Variants in PRPSAP1 observed in about 807,000 individuals in gnomAD.
The protein encoded by PRPSAP1 is phosphoribosyl pyrophosphate synthetase associated protein 1.
A neutral mutation model predicts 39.4 loss-of-function variants in PRPSAP1; 31 were observed. The observed-to-expected ratio is 0.79, with a 90% CI of 0.59 to 1.06. The LOEUF (loss-of-function observed/expected upper bound fraction) is 1.06, where lower values mean the gene tolerates loss of function less well. PRPSAP1 is among the 50% of genes least tolerant of loss of function. The pLI is 0.00. For synonymous variants in PRPSAP1, 212 were observed against 192.6 expected (o/e 1.10, Z -0.83); for missense variants, 430 against 511.6 (o/e 0.84, Z 1.54).
At chr17:76,329,945 T>C in intron 6 of PRPSAP1, 98 bp downstream of exon 6, 1 of 1,199,860 alleles carries the variant, frequency 8.3e-7, no homozygotes, top group Middle Eastern at 1.9e-4. Flanking sequence ...CCAGTGGGCT[T>C]TCAAAGGCCA....
intron 2 of PRPSAP1, 45 bp from the exon 3 acceptor site, chr17:76,344,782 T>G (rs957047076): frequency 6.9e-7 from 1 of 1,439,740 alleles, no homozygotes. Context: ...AGCTCCTATG[T>G]TAAAAAGGAG....
intron 3 of PRPSAP1, 80 bp from the exon 4 acceptor site, chr17:76,332,515 A>G: frequency 1.3e-6 from 2 of 1,510,242 alleles, no homozygotes; most frequent in South Asian, 1.2e-5. Flanking sequence ...TCAACTTAAC[A>G]TGGGCTGCCC....
At chr17:76,329,215 C>T (rs539842665) in intron 6 of PRPSAP1, among the ~76,000 whole-genome samples, 1 of 151,990 alleles carries the variant, frequency 6.6e-6, no homozygotes, top group Non-Finnish European at 1.5e-5. Flanking sequence ...GGACCACAGG[C>T]ATGTGTTGCC....
At chr17:76,329,145 C>T (rs889892364) in intron 6 of PRPSAP1, among the ~76,000 whole-genome samples, 2 of 151,592 alleles carry the variant, frequency 1.3e-5, no homozygotes, top group Admixed American at 1.3e-4. Flanking sequence ...ACATGGCTCA[C>T]TGCAGCCTCA....
chr17:76,328,613 A>C (rs2071279180), intron 7 of PRPSAP1, 104 bp downstream of exon 7: 1 of 1,400,976 alleles, frequency 7.1e-7, no homozygotes, highest in South Asian at 1.3e-5. Context: ...CATCTCAAAA[A>C]CAAAACAAAA....
At chr17:76,335,233 G>T (rs1233943452) in intron 3 of PRPSAP1, among the ~76,000 whole-genome samples, 1 of 152,048 alleles carries the variant, frequency 6.6e-6, no homozygotes, top group Non-Finnish European at 1.5e-5. Flanking sequence ...ACAGGCATGA[G>T]CCACCACACC....
intron 9 of PRPSAP1, 139 bp downstream of exon 9, chr17:76,312,731 T>C (rs1443600081): frequency 2.7e-6 from 3 of 1,103,828 alleles, no homozygotes; most frequent in Non-Finnish European, 3.8e-6. Context: ...TAAACATGTA[T>C]CTGTCCCAAC....
At chr17:76,315,339 G>A (rs1323967456) in intron 7 of PRPSAP1, among the ~76,000 whole-genome samples, 1 of 152,188 alleles carries the variant, frequency 6.6e-6, no homozygotes, top group Non-Finnish European at 1.5e-5. Flanking sequence ...AGTAGTGGGG[G>A]AAGCGAAAGA....
chr17:76,345,997 AC>A, intron 2 of PRPSAP1: 1 of 472,094 alleles, frequency 2.1e-6, no homozygotes, highest in South Asian at 1.5e-5. Flanking sequence ...GAGAGAAGGT[AC>A]CCAAGGGAAA....
intron 1 of PRPSAP1, among the ~76,000 whole-genome samples, chr17:76,351,572 A>G (rs1214605389): frequency 6.6e-6 from 1 of 152,168 alleles, no homozygotes; most frequent in African/African-American, 2.4e-5. Context: ...CTGTGATCCC[A>G]GCTACTTTCG....
At chr17:76,336,732 C>CA (rs57399038) in intron 3 of PRPSAP1, among the ~76,000 whole-genome samples, 1,049 of 63,230 alleles carry the variant, frequency 0.017, 19 homozygotes, top group African/African-American at 0.055. Flanking sequence ...AACTCCATCT[C>CA]AAAAAAAAAA....
At chr17:76,329,323 C>T (rs150548438) in intron 6 of PRPSAP1, among the ~76,000 whole-genome samples, 16 of 152,268 alleles carry the variant, frequency 1.1e-4, no homozygotes, top group African/African-American at 3.8e-4. Flanking sequence ...TTTGGCCTCC[C>T]AAAGTGCTGG....
At chr17:76,318,026 C>A (rs893081482) in intron 7 of PRPSAP1, among the ~76,000 whole-genome samples, 27 of 152,154 alleles carry the variant, frequency 1.8e-4, no homozygotes, top group Admixed American at 1.8e-3. Flanking sequence ...TAAGCAGCAT[C>A]CTGGCCTTTA....
At chr17:76,338,539 C>T in intron 3 of PRPSAP1, among the ~76,000 whole-genome samples, 1 of 151,844 alleles carries the variant, frequency 6.6e-6, no homozygotes, top group East Asian at 1.9e-4. Flanking sequence ...CCCATCTCTA[C>T]TAAAAATACA....
intron 7 of PRPSAP1, among the ~76,000 whole-genome samples, chr17:76,315,496 C>A (rs964572057): frequency 2.0e-5 from 3 of 152,000 alleles, no homozygotes; most frequent in African/African-American, 7.3e-5. Context: ...CTACTTTATA[C>A]ATTTCAACAA....
At chr17:76,328,648 C>CAAAAA in intron 7 of PRPSAP1, 69 bp downstream of exon 7, 2 of 1,535,116 alleles carry the variant, frequency 1.3e-6, no homozygotes, top group South Asian at 2.4e-5. Context: ...AACAACAAAA[C>CAAAAA]CAACAAAACC....
chr17:76,338,193 G>A (rs1374485902), intron 3 of PRPSAP1, among the ~76,000 whole-genome samples: 1 of 152,106 alleles, frequency 6.6e-6, no homozygotes, highest in Non-Finnish European at 1.5e-5. Context: ...TTTGGAAGCA[G>A]TAGTTCCAAA....
intron 9 of PRPSAP1, among the ~76,000 whole-genome samples, chr17:76,312,220 C>T (rs1334159296): frequency 6.6e-6 from 1 of 152,170 alleles, no homozygotes; most frequent in East Asian, 1.9e-4. Flanking sequence ...GCAGGTGGAT[C>T]ACCTGAGGTC....
At chr17:76,327,122 C>T (rs953010788) in intron 7 of PRPSAP1, among the ~76,000 whole-genome samples, 5 of 151,678 alleles carry the variant, frequency 3.3e-5, no homozygotes, top group East Asian at 1.9e-4. Context: ...TCGAGGCAGG[C>T]GGATGACCTA....
Sources: allele counts gnomAD v4.1 joint callset (sites outside exome capture counted in the v4.1 genomes callset), GRCh38; gene constraint gnomAD v4.1.1; transcripts MANE v1.5; gene names NCBI Gene and HGNC (gene_info 2026-07-23, HGNC 2026-07-21).